Variants in ZCCHC7 observed in about 807,000 individuals in gnomAD.
The protein encoded by ZCCHC7 is zinc finger CCHC-type containing 7.
In ZCCHC7, 35 loss-of-function variants were observed where a neutral mutation model predicts 52.0. The observed-to-expected ratio is 0.67, with a 90% confidence interval of 0.51 to 0.89. ZCCHC7 has a LOEUF of 0.89. Among genes scored for constraint, ZCCHC7 ranks in the 40% least tolerant of loss-of-function variants. The probability of loss-of-function intolerance (pLI) is 0.00; values close to 1 mark genes in which losing one functional copy is unlikely to be tolerated. For synonymous variants in ZCCHC7, 217 were observed against 221.5 expected, an observed-to-expected ratio of 0.98 and a Z score of 0.18; for missense variants, 574 against 649.1, an observed-to-expected ratio of 0.88 and a Z score of 1.26.
intron 2 of ZCCHC7, among the ~76,000 whole-genome samples, chr9:37,132,083 C>G (rs1200232356): frequency 6.6e-6 from 1 of 152,084 alleles, no homozygotes; most frequent in South Asian, 2.1e-4. Context: ...GATTCCCGCC[C>G]CTTCCTTTTT....
chr9:37,206,297 T>TC (rs1241515919), intron 2 of ZCCHC7, among the ~76,000 whole-genome samples: 1 of 139,674 alleles, frequency 7.2e-6, no homozygotes. Context: ...CCTTCCCCCT[T>TC]CCCCCTCTCC....
At chr9:37,167,699 C>A (rs1821500623) in intron 2 of ZCCHC7, among the ~76,000 whole-genome samples, 1 of 152,034 alleles carries the variant, frequency 6.6e-6, no homozygotes, top group Non-Finnish European at 1.5e-5. Flanking sequence ...ATTAAATTAC[C>A]AAGAAATGGC....
At chr9:37,317,739 A>G (rs1564250674) in intron 5 of ZCCHC7, among the ~76,000 whole-genome samples, 1 of 152,168 alleles carries the variant, frequency 6.6e-6, no homozygotes, top group Non-Finnish European at 1.5e-5. Context: ...CAAAAAGCAT[A>G]AAGAATGAGA....
intron 2 of ZCCHC7, among the ~76,000 whole-genome samples, chr9:37,218,887 G>T (rs1236046901): frequency 1.3e-5 from 2 of 151,840 alleles, no homozygotes; most frequent in East Asian, 3.9e-4. Flanking sequence ...ACGTCTAGTG[G>T]GCAGCTCTGT....
intron 2 of ZCCHC7, among the ~76,000 whole-genome samples, chr9:37,142,527 T>C (rs1435254518): frequency 6.6e-6 from 1 of 151,812 alleles, no homozygotes; most frequent in Non-Finnish European, 1.5e-5. Flanking sequence ...TATTTTCTAG[T>C]TACTGTGCTT....
chr9:37,181,200 T>C (rs1165607666), intron 2 of ZCCHC7, among the ~76,000 whole-genome samples: 4 of 152,200 alleles, frequency 2.6e-5, no homozygotes, highest in Non-Finnish European at 5.9e-5. Flanking sequence ...CCTTCCTTTT[T>C]ATTTGTAGTT....
intron 2 of ZCCHC7, among the ~76,000 whole-genome samples, chr9:37,271,236 A>G (rs1418382782): frequency 6.6e-6 from 1 of 152,230 alleles, no homozygotes; most frequent in African/African-American, 2.4e-5. Flanking sequence ...AGATCCAACT[A>G]CAAGTTTATA....
Position 37,223,007 on chromosome 9 carries a change from A to G in ZCCHC7, c.611-79181A>G, listed in dbSNP as rs1307092359. Among the ~76,000 whole-genome samples the G allele has an allele frequency of 3.3e-5, 5 of 152,166 alleles. No individual in the cohort carries two copies. In the East Asian group the frequency reaches 9.6e-4, roughly 29 times the overall value. ...AAAATGAGCATTCGTATACATATATATATGTGTGTATGTATGTATGTATAT... is the reference window on the plus strand; with the variant it reads ...AAAATGAGCATTCGTATACATATATGTATGTGTGTATGTATGTATGTATAT... On this transcript the variant is annotated intron_variant, in intron 2 of 8. Transcript: ENST00000336755.
At chr9:37,339,061 A>G (rs1588693410) in intron 6 of ZCCHC7, among the ~76,000 whole-genome samples, 2 of 152,318 alleles carry the variant, frequency 1.3e-5, no homozygotes, top group South Asian at 2.1e-4. Flanking sequence ...ACATAAAAGT[A>G]TTATGTATAT....
intron 5 of ZCCHC7, chr9:37,322,433 G>A (rs1830090712): frequency 6.6e-6 from 1 of 151,944 alleles, no homozygotes. Flanking sequence ...CAATGTTTAA[G>A]CATAGAAAAA....
In ZCCHC7 at chr9:37,304,930, C is replaced by G. The variant is rs541318809; in HGVS notation, c.781-614C>G. Reference sequence around the variant, plus strand: ...ACCCCTTTCACTTCTAAACCTTGTACTTCATAAGATAGCTTATTTCAATGT... The same window carrying G: ...ACCCCTTTCACTTCTAAACCTTGTAGTTCATAAGATAGCTTATTTCAATGT... On this transcript the variant is annotated intron_variant, in intron 4 of 8. Coordinates refer to ENST00000336755, the MANE Select transcript of ZCCHC7 (RefSeq NM_032226.3). Among the ~76,000 whole-genome samples, 9 of 152,222 alleles carry G rather than the reference C, an allele frequency of 5.9e-5. No homozygotes were observed. The East Asian group carries it at 1.7e-3, about 29-fold the overall frequency.
intron 5 of ZCCHC7, among the ~76,000 whole-genome samples, chr9:37,318,328 G>T (rs1829911502): frequency 6.6e-6 from 1 of 152,086 alleles, no homozygotes; most frequent in Admixed American, 6.5e-5. Context: ...TGGGCATGGT[G>T]GTGGGCTCTG....
At chr9:37,186,268 C>G (rs1822649625) in intron 2 of ZCCHC7, among the ~76,000 whole-genome samples, 1 of 151,994 alleles carries the variant, frequency 6.6e-6, no homozygotes, top group South Asian at 2.1e-4. Flanking sequence ...GTAAATAAAT[C>G]TTGAAATTTG....
intron 7 of ZCCHC7, among the ~76,000 whole-genome samples, chr9:37,350,274 G>T (rs552837327): frequency 6.6e-6 from 1 of 151,840 alleles, no homozygotes; most frequent in Non-Finnish European, 1.5e-5. Flanking sequence ...GATTATAGGC[G>T]CATGCCACCA....
chr9:37,348,566 G>C (rs1286391010), intron 6 of ZCCHC7, among the ~76,000 whole-genome samples: 1 of 152,004 alleles, frequency 6.6e-6, no homozygotes, highest in Non-Finnish European at 1.5e-5. Context: ...TTTTAGTAGA[G>C]ACGAGGTTTC....
intron 6 of ZCCHC7, among the ~76,000 whole-genome samples, chr9:37,337,216 T>C (rs1830712497): frequency 6.6e-6 from 1 of 152,154 alleles, no homozygotes. Flanking sequence ...AAAGAGTTTA[T>C]CTGGCTGGCA....
At chr9:37,167,148 TTC>T (rs1484927533) in intron 2 of ZCCHC7, among the ~76,000 whole-genome samples, 2 of 152,218 alleles carry the variant, frequency 1.3e-5, no homozygotes, top group Non-Finnish European at 2.9e-5. Flanking sequence ...TTTTACTTTT[TTC>T]TCTCTGTTTT....
intron 6 of ZCCHC7, among the ~76,000 whole-genome samples, chr9:37,329,478 C>A (rs1011309165): frequency 1.9e-4 from 29 of 151,774 alleles, no homozygotes; most frequent in African/African-American, 6.5e-4. Flanking sequence ...TTTGTTTGTT[C>A]CAATCTGGAA....
intron 2 of ZCCHC7, among the ~76,000 whole-genome samples, chr9:37,161,192 C>A (rs1821082710): frequency 6.6e-6 from 1 of 151,988 alleles, no homozygotes; most frequent in Non-Finnish European, 1.5e-5. Flanking sequence ...TCAAGTGATC[C>A]ACCTGCCTCG....
Sources: gnomAD v4.1 joint callset for allele counts (sites outside exome capture counted in the v4.1 genomes callset) on GRCh38, gnomAD v4.1.1 for gene constraint, MANE v1.5 for transcripts, NCBI Gene and HGNC (gene_info 2026-07-23, HGNC 2026-07-21) for gene names.